RBM34: variants seen among roughly 807,000 people sequenced by gnomAD.
The protein encoded by RBM34 is RNA-binding protein 34.
RBM34 carries 39 observed loss-of-function variants against 44.6 expected under a neutral mutation model. The observed-to-expected ratio is 0.87, with a 90% CI of 0.68 to 1.14. The LOEUF is 1.14. Ranked by LOEUF, RBM34 falls within the 50% of genes most tolerant of loss-of-function variation. The pLI is 0.00. For synonymous variants in RBM34, 194 were observed against 184.0 expected (o/e 1.05, Z -0.44); for missense variants, 572 against 517.9 (o/e 1.10, Z -1.01).
chr1:235,157,402 G>C (rs890943451), intron 3 of RBM34, among the ~76,000 whole-genome samples: 2 of 152,136 alleles, frequency 1.3e-5, no homozygotes, highest in African/African-American at 2.4e-5. Context: ...GATGACTCTC[G>C]GGCCACTAAC....
chr1:235,146,581 G>A (rs912828738), intron 6 of RBM34, among the ~76,000 whole-genome samples: 1 of 152,136 alleles, frequency 6.6e-6, no homozygotes, highest in Non-Finnish European at 1.5e-5. Flanking sequence ...GCCTAGGGTA[G>A]GGAATTGGCT....
intron 6 of RBM34, among the ~76,000 whole-genome samples, chr1:235,141,533 A>G (rs1661682040): frequency 6.6e-6 from 1 of 152,184 alleles, no homozygotes; most frequent in Non-Finnish European, 1.5e-5. Context: ...GCCAGATAAG[A>G]GAATAAAAGC....
chr1:235,158,954 T>C (rs1288081924), intron 3 of RBM34, among the ~76,000 whole-genome samples: 1 of 149,692 alleles, frequency 6.7e-6, no homozygotes, highest in Non-Finnish European at 1.5e-5. Context: ...CCTGTTTCTA[T>C]TTTTTTACTA....
Position 235,152,647 on chromosome 1 carries a change from T to A in RBM34, c.657+59A>T, listed in dbSNP as rs748502046. On this transcript the variant is annotated intron_variant, in intron 5 of 10. Coordinates refer to ENST00000408888, the MANE Select transcript of RBM34 (RefSeq NM_015014.4). ...CATCTCACTAACAGCAATAAGTTCA[T>A]CTGATTTAAATGCAATAAATTTTAA... is the stretch of plus-strand genomic sequence containing the variant. 1.9e-6 allele frequency: 3 copies of A among 1,575,706 alleles called. No individual in the cohort carries two copies. The African/African-American group carries it at 4.1e-5, about 22-fold the overall frequency.
At chr1:235,136,769 C>T (rs927992703) in intron 8 of RBM34, among the ~76,000 whole-genome samples, 1 of 152,222 alleles carries the variant, frequency 6.6e-6, no homozygotes, top group African/African-American at 2.4e-5. Flanking sequence ...ATCCAGACTC[C>T]TCTGTGTGAA....
intron 6 of RBM34, among the ~76,000 whole-genome samples, chr1:235,145,932 C>T (rs1661880966): frequency 6.7e-6 from 1 of 148,804 alleles, no homozygotes; most frequent in African/African-American, 2.5e-5. Context: ...ACTACAGACA[C>T]GTGCCTCCAT....
At chr1:235,153,297 A>C (rs542597191) in intron 4 of RBM34, among the ~76,000 whole-genome samples, 1 of 152,130 alleles carries the variant, frequency 6.6e-6, no homozygotes. Flanking sequence ...TCAAGCTCCT[A>C]TTAGTATCCA....
At chr1:235,143,375 T>C (rs763795439) in intron 6 of RBM34, among the ~76,000 whole-genome samples, 6 of 152,262 alleles carry the variant, frequency 3.9e-5, no homozygotes, top group Non-Finnish European at 8.8e-5. Flanking sequence ...AAATGATCCG[T>C]ACCCAAATTT....
intron 5 of RBM34, among the ~76,000 whole-genome samples, chr1:235,151,391 G>C (rs1662151745): frequency 6.6e-6 from 1 of 152,196 alleles, no homozygotes; most frequent in African/African-American, 2.4e-5. Flanking sequence ...CTAATACAGG[G>C]AAATGGAACT....
At chr1:235,155,869 A>T (rs1464345864) in intron 3 of RBM34, among the ~76,000 whole-genome samples, 3 of 31,508 alleles carry the variant, frequency 9.5e-5, no homozygotes, top group African/African-American at 6.0e-4. Flanking sequence ...ATATATATAC[A>T]TATATACTTT....
At chr1:235,141,516 G>A (rs984296406) in intron 6 of RBM34, among the ~76,000 whole-genome samples, 4 of 152,170 alleles carry the variant, frequency 2.6e-5, no homozygotes, top group African/African-American at 9.7e-5. Context: ...AGCAGGATGT[G>A]GGTGGGGCCA....
At chr1:235,148,326 T>C in intron 6 of RBM34, 78 bp downstream of exon 6, 1 of 1,073,030 alleles carries the variant, frequency 9.3e-7, no homozygotes, top group Non-Finnish European at 1.4e-6. Context: ...TCTATGCAAT[T>C]GTTAAGAAAT....
At chr1:235,160,386 A>AT in intron 3 of RBM34, 125 bp downstream of exon 3, 1 of 1,275,468 alleles carries the variant, frequency 7.8e-7, no homozygotes, top group Non-Finnish European at 1.1e-6. Context: ...TATGTACTGG[A>AT]TTTTCCATAA....
intron 10 of RBM34, among the ~76,000 whole-genome samples, chr1:235,135,194 G>A (rs1333665700): frequency 1.4e-5 from 2 of 142,362 alleles, no homozygotes; most frequent in East Asian, 3.9e-4. Flanking sequence ...ACAGGTATGA[G>A]CCACCACATC....
intron 6 of RBM34, among the ~76,000 whole-genome samples, chr1:235,144,371 A>G (rs1420836285): frequency 1.3e-5 from 2 of 152,172 alleles, no homozygotes; most frequent in Non-Finnish European, 2.9e-5. Context: ...GGGTTAGAAG[A>G]AACTCGAGAT....
intron 6 of RBM34, among the ~76,000 whole-genome samples, chr1:235,142,557 C>T (rs564229135): frequency 3.9e-5 from 6 of 151,914 alleles, no homozygotes; most frequent in African/African-American, 1.4e-4. Flanking sequence ...GGATTATAGG[C>T]GTGAGCCACT....
intron 5 of RBM34, among the ~76,000 whole-genome samples, chr1:235,151,888 C>G (rs1662172885): frequency 6.6e-6 from 1 of 151,970 alleles, no homozygotes; most frequent in Non-Finnish European, 1.5e-5. Context: ...CAAAAATTAG[C>G]CGGGCATGGT....
At chr1:235,155,868 C>CGTATATATATATATATATATATAT (rs1662418148) in intron 3 of RBM34, among the ~76,000 whole-genome samples, 1 of 24,752 alleles carries the variant, frequency 4.0e-5, no homozygotes, top group Admixed American at 5.4e-4. Context: ...TATATATATA[C>CGTATATATATATATATATATATAT]ATATATACTT....
intron 6 of RBM34, among the ~76,000 whole-genome samples, chr1:235,145,281 CTTT>C (rs1228326266): frequency 7.0e-5 from 10 of 142,162 alleles, no homozygotes; most frequent in Admixed American, 1.4e-4. Context: ...CAAAAACATA[CTTT>C]TTTTTTTTTT....
Sources: allele counts gnomAD v4.1 joint callset (sites outside exome capture counted in the v4.1 genomes callset), GRCh38; gene constraint gnomAD v4.1.1; transcripts MANE v1.5; gene names NCBI Gene and HGNC (gene_info 2026-07-23, HGNC 2026-07-21).